RARB: variants seen among roughly 807,000 people sequenced by gnomAD.
RARB encodes retinoic acid receptor beta.
Under a neutral mutation model 51.9 loss-of-function variants are expected in RARB, and 17 were observed. The observed-to-expected ratio is 0.33, with a 90% confidence interval of 0.22 to 0.49. The LOEUF is 0.49. RARB is among the 20% of genes least tolerant of loss of function. RARB has a pLI of 0.99. For synonymous variants in RARB, 215 were observed against 195.4 expected, an observed-to-expected ratio of 1.10 and a Z score of -0.84; for missense variants, 369 against 550.8, an observed-to-expected ratio of 0.67 and a Z score of 3.30.
chr3:25,337,108 T>A (rs1705086051), intron 5 of RARB, among the ~76,000 whole-genome samples: 1 of 152,154 alleles, frequency 6.6e-6, no homozygotes, highest in South Asian at 2.1e-4. Flanking sequence ...AGTGAGAGAT[T>A]TGAGGCCATG....
At chr3:25,353,002 T>C (rs1045950329) in intron 5 of RARB, among the ~76,000 whole-genome samples, 3 of 152,222 alleles carry the variant, frequency 2.0e-5, no homozygotes, top group African/African-American at 7.2e-5. Context: ...AGAAGTCATC[T>C]TCTGAGCAAA....
intron 5 of RARB, among the ~76,000 whole-genome samples, chr3:25,362,827 A>G (rs1705990527): frequency 6.6e-6 from 1 of 152,132 alleles, no homozygotes; most frequent in African/African-American, 2.4e-5. Context: ...TCCCAGTGAG[A>G]TGAACCAGGT....
At chr3:24,925,511 G>T (rs997710581) in intron 2 of RARB, among the ~76,000 whole-genome samples, 7 of 151,766 alleles carry the variant, frequency 4.6e-5, no homozygotes, top group Non-Finnish European at 1.0e-4. Flanking sequence ...GGCATGGTGT[G>T]CATATCTGTG....
intron 2 of RARB, among the ~76,000 whole-genome samples, chr3:25,493,396 A>G (rs898024062): frequency 6.6e-6 from 1 of 152,156 alleles, no homozygotes; most frequent in African/African-American, 2.4e-5. Flanking sequence ...CATGTTTCCC[A>G]GAGTAGCTGT....
At chr3:25,155,431 A>C (rs1201986191) in intron 4 of RARB, among the ~76,000 whole-genome samples, 1 of 152,182 alleles carries the variant, frequency 6.6e-6, no homozygotes, top group Non-Finnish European at 1.5e-5. Context: ...CTTTGGTCAT[A>C]GAAGGGGCTC....
intron 5 of RARB, among the ~76,000 whole-genome samples, chr3:25,260,776 G>C (rs1702979324): frequency 2.6e-5 from 4 of 152,138 alleles, no homozygotes; most frequent in African/African-American, 7.2e-5. Context: ...CATTCAGCCT[G>C]TCACTGGGGC....
chr3:24,876,751 A>G (rs967222202), intron 2 of RARB, among the ~76,000 whole-genome samples: 6 of 152,160 alleles, frequency 3.9e-5, no homozygotes. Context: ...CCAACTTGCC[A>G]TGTGATATTA....
intron 5 of RARB, among the ~76,000 whole-genome samples, chr3:25,351,462 T>A (rs980806457): frequency 1.1e-4 from 16 of 152,276 alleles, no homozygotes; most frequent in Admixed American, 3.9e-4. Flanking sequence ...GCATCTCATT[T>A]GGTTACAGGT....
intron 2 of RARB, among the ~76,000 whole-genome samples, chr3:25,470,462 C>T (rs980235607): frequency 5.3e-5 from 8 of 152,024 alleles, no homozygotes; most frequent in African/African-American, 1.9e-4. Flanking sequence ...TCATGGAAGG[C>T]TTTTATAGAA....
intron 5 of RARB, among the ~76,000 whole-genome samples, chr3:25,402,749 A>C (rs1707296586): frequency 6.6e-6 from 1 of 152,180 alleles, no homozygotes; most frequent in African/African-American, 2.4e-5. Flanking sequence ...GGGATCTAAA[A>C]ATCAAAACAA....
intron 5 of RARB, among the ~76,000 whole-genome samples, chr3:25,275,788 G>T (rs144747605): frequency 6.7e-5 from 10 of 148,916 alleles, no homozygotes; most frequent in Admixed American, 4.0e-4. Flanking sequence ...GTGGAGGGAG[G>T]GGGGAGGGAT....
intron 3 of RARB, among the ~76,000 whole-genome samples, chr3:25,546,420 G>T (rs963387589): frequency 1.3e-5 from 2 of 152,168 alleles, no homozygotes; most frequent in Non-Finnish European, 2.9e-5. Flanking sequence ...GATGAGAGGT[G>T]CTGGGGCCCT....
chr3:25,386,616 C>T (rs184046398), intron 5 of RARB, among the ~76,000 whole-genome samples: 18 of 152,208 alleles, frequency 1.2e-4, no homozygotes, highest in Non-Finnish European at 1.9e-4. Flanking sequence ...TCTTCAGAGT[C>T]GGTGCAATAT....
intron 5 of RARB, among the ~76,000 whole-genome samples, chr3:25,239,513 G>C (rs2125395085): frequency 6.6e-6 from 1 of 152,160 alleles, no homozygotes; most frequent in Non-Finnish European, 1.5e-5. Context: ...TTATTCTTCT[G>C]CATATGGGTG....
chr3:25,022,404 A>G (rs566872633), intron 2 of RARB, among the ~76,000 whole-genome samples: 8 of 152,310 alleles, frequency 5.3e-5, no homozygotes, highest in East Asian at 3.9e-4. Flanking sequence ...ATTTTTGTGT[A>G]TAAGTTGTAT....
chr3:25,297,257 A>C lies in RARB; in HGVS notation c.178+122682A>C, dbSNP rs1364627884. ...ATAAAGTAAGGGAATTAAGGTCTAGATATTTTACCAGCAGAATAATTAGAC... is the reference window on the plus strand; with the variant it reads ...ATAAAGTAAGGGAATTAAGGTCTAGCTATTTTACCAGCAGAATAATTAGAC... On this transcript the variant is annotated intron_variant, in intron 5 of 11. Coordinates refer to the RARB transcript ENST00000383772. Among the ~76,000 whole-genome samples the C allele has an allele frequency of 2.0e-5, 3 of 152,324 alleles. No homozygotes were observed. The East Asian group carries it at 5.8e-4, about 29-fold the overall frequency.
At chr3:25,499,104 A>G (rs1319781592) in intron 2 of RARB, among the ~76,000 whole-genome samples, 4 of 152,236 alleles carry the variant, frequency 2.6e-5, no homozygotes, top group African/African-American at 9.6e-5. Flanking sequence ...CAGTAAAAAT[A>G]TGCTTATTTA....
At chr3:25,563,848 A>G (rs1700370282) in intron 3 of RARB, among the ~76,000 whole-genome samples, 1 of 152,094 alleles carries the variant, frequency 6.6e-6, no homozygotes, top group Non-Finnish European at 1.5e-5. Flanking sequence ...CAAATTCCAG[A>G]CTTTAATTTT....
chr3:25,057,255 C>A (rs1276908755), intron 2 of RARB, among the ~76,000 whole-genome samples: 1 of 152,014 alleles, frequency 6.6e-6, no homozygotes, highest in Non-Finnish European at 1.5e-5. Flanking sequence ...ACTTAGGATT[C>A]TTTTGCAATA....
Sources: gnomAD v4.1 joint callset for allele counts (sites outside exome capture counted in the v4.1 genomes callset) on GRCh38, gnomAD v4.1.1 for gene constraint, MANE v1.5 for transcripts, NCBI Gene and HGNC (gene_info 2026-07-23, HGNC 2026-07-21) for gene names.